PLEKHG4: variants seen among roughly 807,000 people sequenced by gnomAD.
The protein encoded by PLEKHG4 is pleckstrin homology and RhoGEF domain containing G4, also known as puratrophin-1.
PLEKHG4 carries 85 observed loss-of-function variants against 136.9 expected under a neutral mutation model. The observed-to-expected ratio is 0.62, with a 90% CI of 0.52 to 0.74. The LOEUF (loss-of-function observed/expected upper bound fraction) is 0.74, where lower values mean the gene tolerates loss of function less well. Ranked by LOEUF, PLEKHG4 falls within the 30% of genes least tolerant of loss-of-function variation. The pLI is 0.00. For synonymous variants in PLEKHG4, 577 were observed against 646.9 expected (o/e 0.89, Z 1.64); for missense variants, 1,317 against 1,527.8 (o/e 0.86, Z 2.30).
In PLEKHG4 at chr16:67,280,987, AC is replaced by A. The variant is rs756712177; in HGVS notation, c.703del (p.Leu235CysfsTer14). 1 of 1,613,834 alleles carries A rather than the reference AC, an allele frequency of 6.2e-7. No individual in the cohort carries two copies. The highest frequency in any genetic ancestry group is 8.5e-7 in the Non-Finnish European group (1 of 1,179,914). Reference sequence around the variant, plus strand: ...CAGGAACTCATCCGCCTCCTGCTGTACCTGCGAAGCATCCCCAGGTTTGAGG... The same window carrying A: ...CAGGAACTCATCCGCCTCCTGCTGTACTGCGAAGCATCCCCAGGTTTGAGG... ...SSQELIRLLL[Y>X]LRSIPRPEVQ... On this transcript the variant is annotated frameshift_variant, in exon 4 of 22. Transcript: ENST00000379344. LOFTEE classifies it high-confidence loss of function. The surrounding 1 kb of genome is among the most constrained non-coding windows in gnomAD (Gnocchi z 4.4).
chr16:67,279,864 C>T lies in PLEKHG4; in HGVS notation c.-169-12C>T, dbSNP rs939334711. 4.4e-5 allele frequency: 28 copies of T among 633,180 alleles called. No individual in the cohort carries two copies. In the South Asian group the frequency reaches 5.2e-4, roughly 12 times the overall value. The allele number at this position is 633,180 out of a possible 1,614,324, so 39.2% of individuals were successfully genotyped here. The stretch of plus-strand genomic sequence containing the variant: ...ACAGAGGGACACCCTTAACGTTATT[C>T]CCTCTTCCCAGGCCTGAATTGCAGT... On this transcript the variant is annotated splice_polypyrimidine_tract_variant and intron_variant, in intron 1 of 21. Transcript: ENST00000379344.
upstream of PLEKHG4, chr16:67,277,724 G>C (rs1357684369): frequency 6.6e-6 from 1 of 152,424 alleles, no homozygotes; most frequent in Non-Finnish European, 1.5e-5. Context: ...CCTCAGGAGG[G>C]CAGGGGTAGT....
chr16:67,282,992 A>G, intron 11 of PLEKHG4, 134 bp downstream of exon 11: 1 of 732,724 alleles, frequency 1.4e-6, no homozygotes, highest in Non-Finnish European at 2.4e-6. Flanking sequence ...ATCAGTTGTA[A>G]TTAATCACAG....
Position 67,281,462 on chromosome 16 carries a change from G to C in PLEKHG4, c.814-105G>C, listed in dbSNP as rs1597377043. 11 of 942,480 alleles carry C rather than the reference G, an allele frequency of 1.2e-5. No individual in the cohort carries two copies. In the East Asian group the frequency reaches 2.8e-4, roughly 24 times the overall value. 58.4% of individuals were successfully genotyped at this position (942,480 alleles called of 1,614,324 possible). A position where few individuals can be genotyped will look rare whatever the true frequency, so the allele number is the denominator to read the frequency against. On this transcript the variant is annotated intron_variant, in intron 5 of 21. Coordinates refer to ENST00000379344, the MANE Select transcript of PLEKHG4 (RefSeq NM_001129729.3). ...GGCTGATCTCGAACTCCTGAACTCAGGTGATCCTCCCGCCTCGCCTCCCAG... is the reference window on the plus strand; with the variant it reads ...GGCTGATCTCGAACTCCTGAACTCACGTGATCCTCCCGCCTCGCCTCCCAG...
intron 5 of PLEKHG4, 37 bp downstream of exon 5, chr16:67,281,221 T>A: frequency 6.4e-6 from 7 of 1,093,736 alleles, no homozygotes; most frequent in Middle Eastern, 2.6e-4. Flanking sequence ...ATTCCTTTTC[T>A]TTTCTTTTTT....
chr16:67,282,495 TAC>T lies in PLEKHG4; in HGVS notation c.1254-5_1254-4del. ...GCAGGGGGTCTAAGATGGTATACCC[TAC>T]ACCAGGACGGCAATGGACAAGGCTG... is the stretch of plus-strand genomic sequence containing the variant. On this transcript the variant is annotated splice_polypyrimidine_tract_variant and splice_region_variant and intron_variant, in intron 9 of 21. Coordinates refer to ENST00000379344, the MANE Select transcript of PLEKHG4 (RefSeq NM_001129729.3). 3.1e-6 allele frequency: 5 copies of T among 1,614,040 alleles called. No individual in the cohort carries two copies. Among genetic ancestry groups the T allele is most frequent in the Non-Finnish European group, 4.2e-6 (5 of 1,180,028 alleles).
In PLEKHG4 at chr16:67,286,330, C is replaced by G; in HGVS notation, c.2499C>G (p.Ala833=). 1 of 1,613,934 alleles carries G rather than the reference C, an allele frequency of 6.2e-7. No homozygotes were observed. Among genetic ancestry groups the G allele is most frequent in the Middle Eastern group, 1.6e-4 (1 of 6,062 alleles). The change falls in exon 15 of 22, where the codon GCC becomes GCG. Residue 833 remains alanine, a synonymous_variant. Transcript: ENST00000379344. ...GCAAGAATAAGCCTCGCTCCGATGC[C>G]CTGATGTCAAGCTATGGGCACACCT... ...LYSKNKPRSD[A]LMSSYGHTFF...
Position 67,285,041 on chromosome 16 carries a change from A to C in PLEKHG4, c.2021A>C (p.Lys674Thr). 2 of 1,613,632 alleles carry C rather than the reference A, an allele frequency of 1.2e-6. No homozygotes were observed. Among genetic ancestry groups the C allele is most frequent in the Non-Finnish European group, 1.7e-6 (2 of 1,180,006 alleles). ...GCACCTGCCCACCCTCCCCTGAGGA[A>C]GGCCTACAGCTTCGATCGGAATCTG... is the stretch of plus-strand genomic sequence containing the variant. The part of the protein sequence containing the change: ...PAAPAHPPLR[K>T]AYSFDRNLGQ... Residue 674 changes from lysine (K) to threonine (T), a missense_variant, in exon 13 of 22, where the codon AAG becomes ACG. Lys to Thr is a moderately conservative substitution (Grantham distance 78, BLOSUM62 -1). Transcript: ENST00000379344.
chr16:67,278,603 T>C (rs1263209851), upstream of PLEKHG4: 12 of 152,268 alleles, frequency 7.9e-5, no homozygotes, highest in Admixed American at 7.8e-4. Context: ...CAGTTCAGGA[T>C]TCCCTGACTG....
At chr16:67,283,016 T>C (rs1490008791) in intron 11 of PLEKHG4, among the ~76,000 whole-genome samples, 158 bp downstream of exon 11, 1 of 152,206 alleles carries the variant, frequency 6.6e-6, no homozygotes, top group Non-Finnish European at 1.5e-5. Flanking sequence ...TATATGTGCC[T>C]GTAAACCCAG....
At position 67,280,007 on chromosome 16, in the gene PLEKHG4, C is replaced by G. The variant is rs2036136499; in HGVS notation, c.-38C>G. On this transcript the variant is annotated 5_prime_UTR_variant, in exon 2 of 22. Transcript: ENST00000379344. This position sits in a 1 kb window ranked among gnomAD's most constrained non-coding sequence, Gnocchi z 4.4. ...GTTCACACTGAGACCCAGCCCTCTC[C>G]CGCTGGCCCCGAGCAGGCCCACCTT... 2 of 1,603,642 alleles carry G rather than the reference C, an allele frequency of 1.2e-6. No individual in the cohort carries two copies. Among genetic ancestry groups the G allele is most frequent in the Non-Finnish European group, 1.7e-6 (2 of 1,174,740 alleles).
At chr16:67,279,837 G>A in intron 1 of PLEKHG4, 39 bp from the exon 2 acceptor site, 1 of 596,524 alleles carries the variant, frequency 1.7e-6, no homozygotes, top group Non-Finnish European at 3.0e-6. Flanking sequence ...CGGGGGACCT[G>A]GACAGAGGGA....
In PLEKHG4 at chr16:67,284,925, C is replaced by G. The variant is rs530226965; in HGVS notation, c.1905C>G (p.Thr635=). ...CRWAWARCQD[T]WLALDQKLEA... The stretch of plus-strand genomic sequence containing the variant: ...GGGCCTGGGCGCGGTGCCAGGACAC[C>G]TGGCTGGCCCTGGACCAAAAGCTTG... Residue 635 remains threonine (T), a synonymous_variant, in exon 13 of 22, where the codon ACC becomes ACG. Transcript: ENST00000379344. The surrounding 1 kb of genome is among the most constrained non-coding windows in gnomAD (Gnocchi z 4.4). 4 of 1,612,828 alleles carry G rather than the reference C, an allele frequency of 2.5e-6. No homozygotes were observed. The highest frequency in any genetic ancestry group is 3.3e-5 in the Admixed American group (2 of 59,994).
chr16:67,288,895 T>C lies in PLEKHG4; in HGVS notation c.*87T>C, dbSNP rs1415031093. 1 of 1,472,652 alleles carries C rather than the reference T, an allele frequency of 6.8e-7. No individual in the cohort carries two copies. The highest frequency in any genetic ancestry group is 1.2e-5 in the South Asian group (1 of 84,876). The allele number at this position is 1,472,652 out of a possible 1,614,324, so 91.2% of individuals were successfully genotyped here. On this transcript the variant is annotated 3_prime_UTR_variant, in exon 22 of 22. Coordinates refer to ENST00000379344, the MANE Select transcript of PLEKHG4 (RefSeq NM_001129729.3). ...GGATCTGCTGTGACCAGGGTGTGGC[T>C]GACACCTGGGCTACCTCCAACCTAC... is the stretch of plus-strand genomic sequence containing the variant.
Position 67,286,995 on chromosome 16 carries a change from C to A in PLEKHG4, c.2926-5C>A. ...TACCAAGCCCCTCTCTCCCGCTGGC[C>A]ACAGATGGCAGACCTTGGTCTCACT... On this transcript the variant is annotated splice_region_variant and splice_polypyrimidine_tract_variant and intron_variant, in intron 17 of 21. Coordinates refer to ENST00000379344, the MANE Select transcript of PLEKHG4 (RefSeq NM_001129729.3). 6.2e-7 allele frequency: 1 copy of A among 1,613,272 alleles called. No individual in the cohort carries two copies. The highest frequency in any genetic ancestry group is 8.5e-7 in the Non-Finnish European group (1 of 1,179,994).
At chr16:67,286,085 C>T (rs1419290421) in intron 14 of PLEKHG4, among the ~76,000 whole-genome samples, 189 bp from the exon 15 acceptor site, 1 of 152,064 alleles carries the variant, frequency 6.6e-6, no homozygotes, top group Non-Finnish European at 1.5e-5. Flanking sequence ...TGGGCACACC[C>T]CCTTTGCCCA....
chr16:67,286,291 G>A lies in PLEKHG4; in HGVS notation c.2460G>A (p.Met820Ile), dbSNP rs2036462487. The A allele has an allele frequency of 1.2e-6, 2 of 1,613,406 alleles. No homozygotes were observed. The highest frequency in any genetic ancestry group is 2.2e-5 in the East Asian group (1 of 44,870). The change falls in exon 15 of 22, where the codon ATG becomes ATA. Residue 820 changes from methionine (M) to isoleucine (I), a missense_variant. Transcript: ENST00000379344. ...AFLRHRVQFGMYALYSKNKPR... is the reference protein window; with the variant it reads ...AFLRHRVQFGIYALYSKNKPR... Reference sequence around the variant, plus strand: ...CCTTGTAGAGGGTGCAGTTTGGGATGTACGCGCTCTACAGCAAGAATAAGC... The same window carrying A: ...CCTTGTAGAGGGTGCAGTTTGGGATATACGCGCTCTACAGCAAGAATAAGC...
In PLEKHG4 at chr16:67,281,616, T is replaced by C; in HGVS notation, c.863T>C (p.Leu288Pro). The change falls in exon 6 of 22, where the codon CTG (leucine) becomes CCG (proline). Residue 288 changes from leucine to proline, a missense_variant. Leu to Pro is a moderately conservative substitution (Grantham distance 98). Coordinates refer to ENST00000379344, the MANE Select transcript of PLEKHG4 (RefSeq NM_001129729.3). ...CAGGTGCTGCTAGTGGGAAGCACGC[T>C]GCTGAAGGAAGTGCCTTCCGGGCTG... ...VYQVLLVGSTLLKEVPSGLQL... is the reference protein window; with the variant it reads ...VYQVLLVGSTPLKEVPSGLQL... 2 of 1,614,056 alleles carry C rather than the reference T, an allele frequency of 1.2e-6. No homozygotes were observed. Among genetic ancestry groups the C allele is most frequent in the Non-Finnish European group, 1.7e-6 (2 of 1,179,980 alleles).
chr16:67,280,195 C>T lies in PLEKHG4; in HGVS notation c.151C>T (p.Pro51Ser). Residue 51 changes from proline (P) to serine (S), a missense_variant, in exon 2 of 22, where the codon CCA becomes TCA. Coordinates refer to ENST00000379344, the MANE Select transcript of PLEKHG4 (RefSeq NM_001129729.3). This position sits in a 1 kb window ranked among gnomAD's most constrained non-coding sequence, Gnocchi z 4.4. ...CGTTAAGGACCCAGGTCCTCCAAGA[C>T]CACCAGCCGGGGCCACCCAGGATGA... ...MHVKDPGPPR[P>S]PAGATQDEEL... The T allele has an allele frequency of 6.2e-7, 1 of 1,613,814 alleles. No individual in the cohort carries two copies.
Sources: allele counts gnomAD v4.1 joint callset (sites outside exome capture counted in the v4.1 genomes callset), GRCh38; gene constraint gnomAD v4.1.1; non-coding constraint Gnocchi (gnomAD v3.1); transcripts MANE v1.5; gene names NCBI Gene and HGNC (gene_info 2026-07-23, HGNC 2026-07-21).